FSTL5: variants seen among roughly 807,000 people sequenced by gnomAD.
The protein encoded by FSTL5 is follistatin-related protein 5.
In FSTL5, 62 loss-of-function variants were observed where a neutral mutation model predicts 89.1. The ratio of observed to expected loss-of-function variants is 0.70; its 90% CI spans 0.57 to 0.86. FSTL5 has a LOEUF of 0.86. FSTL5 is among the 40% of genes least tolerant of loss of function. The pLI is 0.00. For missense variants in FSTL5, 1,057 were observed against 1,001.6 expected, an observed-to-expected ratio of 1.06 and a Z score of -0.75; for synonymous variants, 383 against 346.2, an observed-to-expected ratio of 1.11 and a Z score of -1.18.
At chr4:161,637,577 T>A (rs1735770230) in intron 7 of FSTL5, among the ~76,000 whole-genome samples, 1 of 147,428 alleles carries the variant, frequency 6.8e-6, no homozygotes, top group African/African-American at 2.5e-5. Flanking sequence ...GGTTTTCTTC[T>A]AGGGTTTTTA....
At chr4:161,744,608 C>T (rs754839960) in intron 6 of FSTL5, among the ~76,000 whole-genome samples, 28 of 152,058 alleles carry the variant, frequency 1.8e-4, no homozygotes, top group Non-Finnish European at 2.4e-4. Context: ...TGCTAACTAG[C>T]TAAAGTCTCT....
At chr4:161,986,207 T>G (rs1319247133) in intron 3 of FSTL5, among the ~76,000 whole-genome samples, 3 of 152,050 alleles carry the variant, frequency 2.0e-5, no homozygotes, top group Non-Finnish European at 4.4e-5. Context: ...GTAATTTCAG[T>G]ACTCACTGAA....
intron 12 of FSTL5, among the ~76,000 whole-genome samples, chr4:161,488,040 T>C (rs927600078): frequency 2.7e-5 from 4 of 150,444 alleles, no homozygotes; most frequent in Non-Finnish European, 5.9e-5. Flanking sequence ...CTTTGCAATA[T>C]TGGAAAAAAA....
At chr4:161,434,007 C>G (rs1213065250) in intron 15 of FSTL5, among the ~76,000 whole-genome samples, 1 of 152,056 alleles carries the variant, frequency 6.6e-6, no homozygotes, top group Non-Finnish European at 1.5e-5. Context: ...AATGCAATCA[C>G]TATTAAAATA....
chr4:162,157,675 C>T lies in FSTL5; in HGVS notation c.-17+5940G>A, dbSNP rs560674422. On this transcript the variant is annotated intron_variant, in intron 1 of 15. Coordinates refer to ENST00000306100, the MANE Select transcript of FSTL5 (RefSeq NM_020116.5). ...AAAATATAAAATAAAAGGCCCTATA[C>T]GCTTTCCACTTTAAAGTTAAACATT... is the stretch of plus-strand genomic sequence containing the variant. 5.3e-5 allele frequency among the ~76,000 whole-genome samples: 8 copies of T among 152,098 alleles called. 1 individual carries two copies. The South Asian group carries it at 1.0e-3, about 20-fold the overall frequency.
intron 12 of FSTL5, among the ~76,000 whole-genome samples, chr4:161,485,938 G>T (rs2126461243): frequency 6.6e-6 from 1 of 152,062 alleles, no homozygotes; most frequent in South Asian, 2.1e-4. Context: ...AGGAGTTCAA[G>T]ACCAGCCTAG....
chr4:162,060,779 G>T (rs1019826590), intron 2 of FSTL5, among the ~76,000 whole-genome samples: 1 of 151,620 alleles, frequency 6.6e-6, no homozygotes, highest in South Asian at 2.1e-4. Context: ...CATAATTTTT[G>T]AGAAAAATTT....
At chr4:161,907,306 A>T (rs555188677) in intron 4 of FSTL5, among the ~76,000 whole-genome samples, 1 of 152,120 alleles carries the variant, frequency 6.6e-6, no homozygotes, top group Non-Finnish European at 1.5e-5. Context: ...TTTTTCAAGT[A>T]AAAGTTAAAC....
intron 4 of FSTL5, among the ~76,000 whole-genome samples, chr4:161,873,030 A>C (rs150885370): frequency 0.015 from 2,315 of 152,252 alleles, 54 homozygotes; most frequent in African/African-American, 0.054. Context: ...AACTATAGAA[A>C]AAAGTTGGGG....
chr4:161,811,983 A>C (rs1359738414), intron 4 of FSTL5, among the ~76,000 whole-genome samples: 1 of 146,524 alleles, frequency 6.8e-6, no homozygotes, highest in Non-Finnish European at 1.5e-5. Flanking sequence ...TTAAGTGTTG[A>C]AGTAATACTT....
In FSTL5 at chr4:162,033,776, G is replaced by A. The variant is rs543402893; in HGVS notation, c.127-118C>T. On this transcript the variant is annotated intron_variant, in intron 2 of 15. Transcript: ENST00000306100. ...TTTTTGTACATATTCCCAGGAACATGATTCTCGCCTTTAAAAAATATTTAC... is the reference window on the plus strand; with the variant it reads ...TTTTTGTACATATTCCCAGGAACATAATTCTCGCCTTTAAAAAATATTTAC... 13 of 554,146 alleles carry A rather than the reference G, an allele frequency of 2.3e-5. No individual in the cohort carries two copies. The South Asian group carries it at 3.3e-4, about 14-fold the overall frequency. The allele number at this position is 554,146 out of a possible 1,614,324, so 34.3% of individuals were successfully genotyped here.
chr4:161,417,645 A>T (rs1027680721), intron 15 of FSTL5, among the ~76,000 whole-genome samples: 2 of 152,238 alleles, frequency 1.3e-5, no homozygotes, highest in African/African-American at 4.8e-5. Context: ...ACCAAATACT[A>T]CGTATCCCTC....
intron 4 of FSTL5, among the ~76,000 whole-genome samples, chr4:161,843,760 G>T (rs986868107): frequency 6.6e-6 from 1 of 151,916 alleles, no homozygotes; most frequent in Non-Finnish European, 1.5e-5. Flanking sequence ...ACTGAAACTG[G>T]CCCCTTCCTT....
At chr4:161,952,113 A>C (rs1463964495) in intron 3 of FSTL5, among the ~76,000 whole-genome samples, 2 of 152,038 alleles carry the variant, frequency 1.3e-5, no homozygotes, top group African/African-American at 4.8e-5. Flanking sequence ...CAAATAAATA[A>C]GGGAGTTTAA....
chr4:162,042,464 A>G (rs1386084982), intron 2 of FSTL5, among the ~76,000 whole-genome samples: 2 of 152,142 alleles, frequency 1.3e-5, no homozygotes, highest in African/African-American at 4.8e-5. Flanking sequence ...TGACTTTTAC[A>G]CAGTGAGAAG....
chr4:161,694,132 T>G (rs921663155), intron 6 of FSTL5, among the ~76,000 whole-genome samples: 1 of 152,212 alleles, frequency 6.6e-6, no homozygotes, highest in Non-Finnish European at 1.5e-5. Flanking sequence ...CATTTATCTG[T>G]TGTCTAATCT....
chr4:161,719,552 C>CTG (rs1411998001), intron 6 of FSTL5, among the ~76,000 whole-genome samples: 1 of 152,148 alleles, frequency 6.6e-6, no homozygotes, highest in Non-Finnish European at 1.5e-5. Context: ...TTCACTGAAT[C>CTG]TGTAGATCAC....
chr4:161,937,185 G>T (rs1477403761), intron 3 of FSTL5, among the ~76,000 whole-genome samples: 1 of 151,898 alleles, frequency 6.6e-6, no homozygotes, highest in Non-Finnish European at 1.5e-5. Flanking sequence ...TATCCTCAGA[G>T]AAATGAGATA....
chr4:161,947,041 T>A (rs1734754826), intron 3 of FSTL5, among the ~76,000 whole-genome samples: 1 of 152,056 alleles, frequency 6.6e-6, no homozygotes, highest in South Asian at 2.1e-4. Flanking sequence ...TTAGTTCAAG[T>A]CTTTTTTGTC....
Sources: allele counts gnomAD v4.1 joint callset (sites outside exome capture counted in the v4.1 genomes callset), GRCh38; gene constraint gnomAD v4.1.1; transcripts MANE v1.5; gene names NCBI Gene and HGNC (gene_info 2026-07-23, HGNC 2026-07-21).